SLC4A4: variants seen among roughly 807,000 people sequenced by gnomAD.
SLC4A4 encodes solute carrier family 4 member 4.
A neutral mutation model predicts 111.5 loss-of-function variants in SLC4A4; 27 were observed. The observed-to-expected ratio is 0.24, with a 90% CI of 0.18 to 0.33. The LOEUF is 0.33. Ranked by LOEUF, SLC4A4 falls within the 10% of genes least tolerant of loss-of-function variation. The probability of loss-of-function intolerance (pLI) is 1.00; values close to 1 mark genes in which losing one functional copy is unlikely to be tolerated. For synonymous variants in SLC4A4, 443 were observed against 463.4 expected (o/e 0.96, Z 0.57); for missense variants, 909 against 1,315.5 (o/e 0.69, Z 4.78).
chr4:71,152,737 C>A (rs904171199), intron 2 of SLC4A4, among the ~76,000 whole-genome samples: 2 of 151,964 alleles, frequency 1.3e-5, no homozygotes, highest in Non-Finnish European at 2.9e-5. Context: ...CCAATGGTGC[C>A]CACCCAGGTT....
In SLC4A4 at chr4:71,349,877, CT is replaced by C. The variant is rs371154283; in HGVS notation, c.390-31del. 1.7e-3 allele frequency: 2,701 copies of C among 1,610,614 alleles called. 58 individuals are homozygous for C. Among genetic ancestry groups the C allele is most frequent in the South Asian group, 0.015 (1,405 of 91,010 alleles). On this transcript the variant is annotated intron_variant, in intron 4 of 25. Coordinates refer to ENST00000264485, the MANE Select transcript of SLC4A4 (RefSeq NM_001098484.3). ...GCTATTTCTAGAGGAAGTTAGAACA[CT>C]TTTAATTGCTCTTCACTAATCTCAT...
At position 71,291,549 on chromosome 4, in the gene SLC4A4, C is replaced by G. The variant is rs528026601; in HGVS notation, c.253+36150C>G. Among the ~76,000 whole-genome samples the G allele has an allele frequency of 4.6e-5, 7 of 152,166 alleles. No homozygotes were observed. In the East Asian group the frequency reaches 1.4e-3, roughly 29 times the overall value. ...GGAACTCCTGGGCTCCAGCAATCCT[C>G]TCGTCTCAGCCTCCCGATTAGCAAG... On this transcript the variant is annotated intron_variant, in intron 3 of 25. Transcript: ENST00000264485.
At chr4:71,418,951 G>C (rs9685341) in intron 7 of SLC4A4, among the ~76,000 whole-genome samples, 4 of 152,178 alleles carry the variant, frequency 2.6e-5, no homozygotes, top group African/African-American at 9.7e-5. Context: ...GTTTGCTAGA[G>C]GTCCACTCCA....
intron 18 of SLC4A4, among the ~76,000 whole-genome samples, chr4:71,537,799 A>G (rs1734693067): frequency 6.6e-6 from 1 of 151,846 alleles, no homozygotes; most frequent in Non-Finnish European, 1.5e-5. Context: ...TCTCCCACAG[A>G]GCCCGAGAAT....
intron 6 of SLC4A4, among the ~76,000 whole-genome samples, chr4:71,379,809 T>A (rs1278814368): frequency 6.6e-6 from 1 of 152,114 alleles, no homozygotes; most frequent in Non-Finnish European, 1.5e-5. Context: ...CTAGATTTCT[T>A]TATTTGTATG....
intron 16 of SLC4A4, among the ~76,000 whole-genome samples, chr4:71,500,555 C>T (rs1266659615): frequency 8.5e-5 from 13 of 152,258 alleles, no homozygotes; most frequent in Admixed American, 4.6e-4. Context: ...CTCCTGACCT[C>T]GTGACCCACT....
At chr4:71,091,146 C>A (rs368391975) in intron 1 of SLC4A4, among the ~76,000 whole-genome samples, 3 of 152,152 alleles carry the variant, frequency 2.0e-5, no homozygotes, top group African/African-American at 7.2e-5. Flanking sequence ...TGAGGTTTCA[C>A]CATGTTGGCC....
At chr4:71,487,733 C>CA (rs1729549087) in intron 15 of SLC4A4, among the ~76,000 whole-genome samples, 1 of 151,518 alleles carries the variant, frequency 6.6e-6, no homozygotes, top group Non-Finnish European at 1.5e-5. Context: ...ATAGAGTGCC[C>CA]ATCTCTCAGG....
At chr4:71,229,233 A>G (rs1719242331) in intron 1 of SLC4A4, among the ~76,000 whole-genome samples, 1 of 152,150 alleles carries the variant, frequency 6.6e-6, no homozygotes, top group Non-Finnish European at 1.5e-5. Context: ...GTGTGTATCA[A>G]TAGTTTGTTC....
intron 17 of SLC4A4, among the ~76,000 whole-genome samples, chr4:71,533,331 C>T (rs1211082234): frequency 6.6e-6 from 1 of 152,066 alleles, no homozygotes; most frequent in Non-Finnish European, 1.5e-5. Flanking sequence ...CCCTGACAAG[C>T]TCACATCTGC....
chr4:71,510,668 C>A (rs775746474), intron 16 of SLC4A4, among the ~76,000 whole-genome samples: 11 of 152,142 alleles, frequency 7.2e-5, no homozygotes, highest in Non-Finnish European at 1.3e-4. Context: ...ATAATCCATT[C>A]AGCCATTCTG....
At chr4:71,087,699 A>G (rs970819361) in intron 1 of SLC4A4, among the ~76,000 whole-genome samples, 2 of 152,006 alleles carry the variant, frequency 1.3e-5, no homozygotes, top group African/African-American at 4.8e-5. Context: ...TTCAGTTTCC[A>G]TGTAGTTGAG....
At position 71,318,684 on chromosome 4, in the gene SLC4A4, C is replaced by T. The variant is rs532454506; in HGVS notation, c.254-20686C>T. ...GTAGGATTAGGTGAATATAACATTACAAGAACTAGGCATTGGCCAGCTTTT... is the reference window on the plus strand; with the variant it reads ...GTAGGATTAGGTGAATATAACATTATAAGAACTAGGCATTGGCCAGCTTTT... On this transcript the variant is annotated intron_variant, in intron 3 of 25. Transcript: ENST00000264485. 4.6e-5 allele frequency among the ~76,000 whole-genome samples: 7 copies of T among 152,096 alleles called. No individual in the cohort carries two copies. The East Asian group carries it at 9.7e-4, about 21-fold the overall frequency.
In SLC4A4 at chr4:71,103,460, G is replaced by C. The variant is rs1742819630; in HGVS notation, c.-2+10668G>C. Among the ~76,000 whole-genome samples, 3 of 152,124 alleles carry C rather than the reference G, an allele frequency of 2.0e-5. No homozygotes were observed. The South Asian group carries it at 6.2e-4, about 32-fold the overall frequency. On this transcript the variant is annotated intron_variant, in intron 2 of 26. Coordinates refer to the SLC4A4 transcript ENST00000649996. ...CAGAACTCTCCACCCCAAATCAGCA[G>C]AATATACATTTTTTTCAGCACCACA...
At chr4:71,521,863 A>C (rs1485427848) in intron 16 of SLC4A4, among the ~76,000 whole-genome samples, 1 of 152,148 alleles carries the variant, frequency 6.6e-6, no homozygotes, top group Non-Finnish European at 1.5e-5. Flanking sequence ...TTTTCTGATA[A>C]GTTTATTCCA....
rs1447130617 is a variant in SLC4A4 at position 71,560,097 on chromosome 4, T to C, written c.2942T>C (p.Leu981Ser). ...VAAIIFPVMILALVAVRKGMD... is the reference protein window; with the variant it reads ...VAAIIFPVMISALVAVRKGMD... ...TTTTAATATTTGCTCTTTCAGATCT[T>C]GGCACTTGTAGCTGTCAGAAAAGGC... The change falls in exon 23 of 26, where the codon TTG becomes TCG. Residue 981 changes from leucine to serine, a missense_variant. Around this residue, in one of 7 missense-constraint regions of SLC4A4, gnomAD observed 104 missense variants for 219.5 expected, o/e 0.47. Coordinates refer to ENST00000264485, the MANE Select transcript of SLC4A4 (RefSeq NM_001098484.3). 1.9e-5 allele frequency: 30 copies of C among 1,609,346 alleles called. No homozygotes were observed. The highest frequency in any genetic ancestry group is 2.5e-5 in the Non-Finnish European group (29 of 1,176,306).
In SLC4A4 at chr4:71,177,892, C is replaced by T. The variant is rs187451070; in HGVS notation, c.-1-58684C>T. Among the ~76,000 whole-genome samples, 204 of 152,308 alleles carry T rather than the reference C, an allele frequency of 1.3e-3. 1 individual carries two copies. The highest frequency in any genetic ancestry group is 4.8e-3 in the African/African-American group (199 of 41,588). ...AGAATATACATTCTTCTCAGCACCACACCACACTTATTTCAAAACTGACCA... is the reference window on the plus strand; with the variant it reads ...AGAATATACATTCTTCTCAGCACCATACCACACTTATTTCAAAACTGACCA... On this transcript the variant is annotated intron_variant, in intron 2 of 26. Coordinates refer to the SLC4A4 transcript ENST00000649996.
chr4:71,324,246 A>T (rs551186801), intron 3 of SLC4A4, among the ~76,000 whole-genome samples: 7 of 152,132 alleles, frequency 4.6e-5, no homozygotes, highest in African/African-American at 1.7e-4. Context: ...ATTCGGAAAA[A>T]GTCAAAATGT....
At chr4:71,092,245 G>A (rs1414077584) in intron 1 of SLC4A4, among the ~76,000 whole-genome samples, 1 of 150,206 alleles carries the variant, frequency 6.7e-6, no homozygotes, top group Non-Finnish European at 1.5e-5. Context: ...CTCATTTTAA[G>A]TAGAAGCTTC....
Sources: allele counts gnomAD v4.1 joint callset (sites outside exome capture counted in the v4.1 genomes callset), GRCh38; gene constraint gnomAD v4.1.1; regional missense constraint gnomAD v4.1.1; transcripts MANE v1.5; gene names NCBI Gene and HGNC (gene_info 2026-07-23, HGNC 2026-07-21).